Variants in VDAC1 observed in about 807,000 individuals in gnomAD.
VDAC1 encodes the protein non-selective voltage-gated ion channel VDAC1.
VDAC1 carries 10 observed loss-of-function variants against 34.7 expected under a neutral mutation model. That is an observed-to-expected ratio of 0.29 (90% CI 0.18 to 0.49). VDAC1 has a LOEUF of 0.49. Ranked by LOEUF, VDAC1 falls within the 20% of genes least tolerant of loss-of-function variation. The probability of loss-of-function intolerance (pLI) is 0.99; values close to 1 mark genes in which losing one functional copy is unlikely to be tolerated. For missense variants in VDAC1, 230 were observed against 347.9 expected, an observed-to-expected ratio of 0.66 and a Z score of 2.69; for synonymous variants, 130 against 136.0, an observed-to-expected ratio of 0.96 and a Z score of 0.30.
the VDAC1 span, among the ~76,000 whole-genome samples, chr5:134,100,330 AGC>A: frequency 1.3e-5 from 2 of 152,236 alleles, no homozygotes; most frequent in African/African-American, 2.4e-5. Flanking sequence ...CCAGGCATTA[AGC>A]TTTGAGAGTA....
chr5:134,111,473 GTCTA>G, the VDAC1 span, among the ~76,000 whole-genome samples: 1 of 152,140 alleles, frequency 6.6e-6, no homozygotes, highest in African/African-American at 2.4e-5. Flanking sequence ...GAACCCCAGT[GTCTA>G]TCATCTGTGT....
chr5:134,113,976 T>C, the VDAC1 span, among the ~76,000 whole-genome samples: 1 of 152,270 alleles, frequency 6.6e-6, no homozygotes, highest in South Asian at 2.1e-4. Context: ...GGGAGAGTCA[T>C]AGGGGCTGGG....
chr5:134,072,570 G>A, the VDAC1 span, among the ~76,000 whole-genome samples: 1 of 152,232 alleles, frequency 6.6e-6, no homozygotes, highest in African/African-American at 2.4e-5. Context: ...GAACTGCAGG[G>A]TGACACAGCT....
the VDAC1 span, among the ~76,000 whole-genome samples, chr5:134,098,143 T>C: frequency 2.0e-5 from 3 of 151,796 alleles, no homozygotes; most frequent in Non-Finnish European, 4.4e-5. Context: ...AATGCTGGGA[T>C]TACAGGTGTG....
At chr5:133,998,489 C>A (rs1753418905) in intron 1 of VDAC1, among the ~76,000 whole-genome samples, 1 of 152,054 alleles carries the variant, frequency 6.6e-6, no homozygotes, top group South Asian at 2.1e-4. Context: ...GAGCCAAGAT[C>A]GTGCCACTGC....
At chr5:133,991,759 A>G (rs1056136325) in intron 3 of VDAC1, among the ~76,000 whole-genome samples, 2 of 151,828 alleles carry the variant, frequency 1.3e-5, no homozygotes, top group African/African-American at 4.8e-5. Context: ...AAAAAAAAGT[A>G]CCTTCTTTTG....
chr5:134,050,934 G>A, the VDAC1 span, among the ~76,000 whole-genome samples: 1 of 152,308 alleles, frequency 6.6e-6, no homozygotes, highest in African/African-American at 2.4e-5. Context: ...CCTTGCAAGT[G>A]AAGAGGCCTC....
At chr5:134,079,270 C>T in the VDAC1 span, among the ~76,000 whole-genome samples, 9 of 152,186 alleles carry the variant, frequency 5.9e-5, no homozygotes, top group Admixed American at 3.9e-4. Context: ...TGAGCCACCA[C>T]GCCTGGCCCC....
At chr5:134,025,910 G>T in the VDAC1 span, among the ~76,000 whole-genome samples, 1 of 152,162 alleles carries the variant, frequency 6.6e-6, no homozygotes, top group Non-Finnish European at 1.5e-5. Flanking sequence ...AGCCTCTACT[G>T]GGTTGGAGGA....
the VDAC1 span, among the ~76,000 whole-genome samples, chr5:134,034,869 C>T: frequency 6.6e-6 from 1 of 151,928 alleles, no homozygotes; most frequent in Non-Finnish European, 1.5e-5. Context: ...TCTCAGGTAT[C>T]GGTATACATT....
At chr5:134,111,236 C>T in the VDAC1 span, among the ~76,000 whole-genome samples, 1 of 152,168 alleles carries the variant, frequency 6.6e-6, no homozygotes, top group Non-Finnish European at 1.5e-5. Context: ...CTCATCTGCT[C>T]CAACAACCCT....
chr5:134,033,996 A>G, the VDAC1 span, among the ~76,000 whole-genome samples: 1 of 152,182 alleles, frequency 6.6e-6, no homozygotes, highest in African/African-American at 2.4e-5. Context: ...CGTCTCAAAA[A>G]AAAAAGAAAA....
the VDAC1 span, among the ~76,000 whole-genome samples, chr5:134,036,489 G>A: frequency 1.3e-5 from 2 of 152,112 alleles, no homozygotes; most frequent in Non-Finnish European, 2.9e-5. Context: ...TAAACATAAT[G>A]TCGGATCCTT....
chr5:134,087,108 A>G, the VDAC1 span, among the ~76,000 whole-genome samples: 1 of 152,040 alleles, frequency 6.6e-6, no homozygotes, highest in African/African-American at 2.4e-5. Flanking sequence ...AAAACAAACC[A>G]TGCTGTGGAA....
the VDAC1 span, among the ~76,000 whole-genome samples, chr5:134,030,566 GAA>G: frequency 6.7e-6 from 1 of 150,172 alleles, no homozygotes; most frequent in Non-Finnish European, 1.5e-5. Flanking sequence ...AGTAAGGGTA[GAA>G]AAGTTTTCCC....
chr5:134,013,665 G>C, the VDAC1 span, among the ~76,000 whole-genome samples: 1 of 151,772 alleles, frequency 6.6e-6, no homozygotes, highest in Non-Finnish European at 1.5e-5. Flanking sequence ...GCAGAGGGCT[G>C]GGCACGGTGG....
the VDAC1 span, among the ~76,000 whole-genome samples, chr5:134,068,284 C>T: frequency 9.4e-4 from 143 of 152,034 alleles, 1 homozygote; most frequent in African/African-American, 3.4e-3. Context: ...ATTTACCCAA[C>T]ATATATTCTT....
chr5:133,992,814 G>A, intron 2 of VDAC1, 132 bp downstream of exon 2: 1 of 857,150 alleles, frequency 1.2e-6, no homozygotes, highest in Non-Finnish European at 1.8e-6. Context: ...ACAAATGAAA[G>A]CTTCTTTTTT....
At chr5:134,019,710 A>C in the VDAC1 span, among the ~76,000 whole-genome samples, 1 of 152,178 alleles carries the variant, frequency 6.6e-6, no homozygotes, top group Non-Finnish European at 1.5e-5. Context: ...ACTATCCCAC[A>C]GCTGCCCCAA....
Sources: gnomAD v4.1 joint callset for allele counts (sites outside exome capture counted in the v4.1 genomes callset) on GRCh38, gnomAD v4.1.1 for gene constraint, MANE v1.5 for transcripts, NCBI Gene and HGNC (gene_info 2026-07-23, HGNC 2026-07-21) for gene names.